COL9A1: variants seen among roughly 807,000 people sequenced by gnomAD.
COL9A1 encodes the protein collagen type IX alpha 1 chain, also known as collagen alpha-1(IX) chain.
COL9A1 carries 104 observed loss-of-function variants against 142.6 expected under a neutral mutation model. The observed-to-expected ratio is 0.73, with a 90% confidence interval of 0.62 to 0.86. The LOEUF (loss-of-function observed/expected upper bound fraction) is 0.86, where lower values mean the gene tolerates loss of function less well. Ranked by LOEUF, COL9A1 falls within the 40% of genes least tolerant of loss-of-function variation. The pLI is 0.00. For synonymous variants in COL9A1, 466 were observed against 396.0 expected (o/e 1.18, Z -2.10); for missense variants, 1,210 against 1,176.6 (o/e 1.03, Z -0.42).
intron 20 of COL9A1, among the ~76,000 whole-genome samples, 195 bp downstream of exon 20, chr6:70,260,462 C>T (rs182287728): frequency 3.4e-4 from 52 of 151,144 alleles, no homozygotes; most frequent in Middle Eastern, 6.8e-3. Context: ...ACAGGAGAAT[C>T]GCTTGAACCC....
At chr6:70,238,431 T>C (rs527926485) in intron 33 of COL9A1, among the ~76,000 whole-genome samples, 35 of 152,376 alleles carry the variant, frequency 2.3e-4, no homozygotes, top group African/African-American at 8.2e-4. Flanking sequence ...GTTTAGTTTC[T>C]ATAAAAATGA....
chr6:70,257,041 C>T (rs1468723186), intron 20 of COL9A1, among the ~76,000 whole-genome samples: 2 of 147,252 alleles, frequency 1.4e-5, no homozygotes, highest in African/African-American at 2.5e-5. Flanking sequence ...TTTGATGCCA[C>T]TCTGTAATTT....
intron 14 of COL9A1, 67 bp from the exon 15 acceptor site, chr6:70,270,434 G>A: frequency 6.9e-7 from 1 of 1,445,532 alleles, no homozygotes; most frequent in Non-Finnish European, 9.6e-7. Context: ...TAAAACCAGT[G>A]AGGCATAAGA....
At chr6:70,219,231 G>A (rs1190145075) in intron 37 of COL9A1, among the ~76,000 whole-genome samples, 5 of 152,108 alleles carry the variant, frequency 3.3e-5, no homozygotes, top group Non-Finnish European at 5.9e-5. Flanking sequence ...CATACCAGGT[G>A]TGCCTTAAAA....
intron 7 of COL9A1, among the ~76,000 whole-genome samples, chr6:70,281,788 T>A (rs1194218446): frequency 6.6e-6 from 1 of 152,072 alleles, no homozygotes; most frequent in Non-Finnish European, 1.5e-5. Flanking sequence ...CTTTGTATCC[T>A]CAAAAGGATA....
At chr6:70,295,733 A>T (rs1177301339) in intron 4 of COL9A1, among the ~76,000 whole-genome samples, 2 of 152,234 alleles carry the variant, frequency 1.3e-5, no homozygotes, top group African/African-American at 2.4e-5. Flanking sequence ...CTACCTGGAT[A>T]TTCTTTTGCT....
chr6:70,277,090 G>A (rs920655505), intron 10 of COL9A1, among the ~76,000 whole-genome samples: 5 of 152,060 alleles, frequency 3.3e-5, no homozygotes, highest in African/African-American at 1.2e-4. Context: ...AAAATACATA[G>A]CACCTAACCT....
At chr6:70,219,661 G>C (rs1768746379) in intron 37 of COL9A1, among the ~76,000 whole-genome samples, 7 of 152,246 alleles carry the variant, frequency 4.6e-5, no homozygotes. Flanking sequence ...CCTGTGGTGA[G>C]CTGGAAAGTG....
At chr6:70,225,816 A>G (rs569795420) in intron 37 of COL9A1, 116 bp downstream of exon 37, 2 of 809,492 alleles carry the variant, frequency 2.5e-6, no homozygotes, top group Middle Eastern at 2.2e-4. Context: ...GCCATTCTGA[A>G]TAATTAATAT....
chr6:70,284,226 T>G (rs1237626833), intron 5 of COL9A1, among the ~76,000 whole-genome samples: 2 of 152,048 alleles, frequency 1.3e-5, no homozygotes, highest in African/African-American at 4.8e-5. Flanking sequence ...CCAGGGCTAT[T>G]GAACTCTACA....
At chr6:70,272,843 C>T (rs1436607841) in intron 12 of COL9A1, among the ~76,000 whole-genome samples, 1 of 152,084 alleles carries the variant, frequency 6.6e-6, no homozygotes, top group Non-Finnish European at 1.5e-5. Flanking sequence ...ATAATATGCT[C>T]GTTGAAATTA....
At chr6:70,258,652 T>G (rs552888731) in intron 20 of COL9A1, 1 of 148,744 alleles carries the variant, frequency 6.7e-6, no homozygotes, top group Non-Finnish European at 1.5e-5. Context: ...GTGGCTTTGA[T>G]GCACTCTCTC....
intron 5 of COL9A1, among the ~76,000 whole-genome samples, chr6:70,288,488 T>C (rs962297590): frequency 6.6e-6 from 1 of 152,206 alleles, no homozygotes; most frequent in African/African-American, 2.4e-5. Flanking sequence ...AACATGTTGC[T>C]TATCTGTTCA....
At chr6:70,249,899 A>G (rs1428874429) in intron 28 of COL9A1, among the ~76,000 whole-genome samples, 1 of 152,110 alleles carries the variant, frequency 6.6e-6, no homozygotes, top group African/African-American at 2.4e-5. Context: ...GTATTCATGC[A>G]TGGTTCTGTC....
In COL9A1 at chr6:70,288,171, T is replaced by G. The variant is rs569113826; in HGVS notation, c.697-4351A>C. 2.0e-5 allele frequency among the ~76,000 whole-genome samples: 3 copies of G among 152,340 alleles called. No individual in the cohort carries two copies. The East Asian group carries it at 5.8e-4, about 29-fold the overall frequency. On this transcript the variant is annotated intron_variant, in intron 5 of 37. Transcript: ENST00000357250. ...CTGACACCTGCTCTTCCCACAGCGT[T>G]TCTCATGTCAGTAAATGGCACGTCT...
chr6:70,280,127 G>A, intron 10 of COL9A1: 1 of 554,506 alleles, frequency 1.8e-6, no homozygotes. Flanking sequence ...TACCATATAA[G>A]TCAGCATTTG....
chr6:70,273,844 T>G, intron 12 of COL9A1: 4 of 248,182 alleles, frequency 1.6e-5, no homozygotes. Flanking sequence ...ATTTTTCCAC[T>G]CATAGTAGAA....
intron 4 of COL9A1, among the ~76,000 whole-genome samples, chr6:70,296,522 T>C (rs1233947138): frequency 6.6e-6 from 1 of 152,266 alleles, no homozygotes; most frequent in East Asian, 1.9e-4. Context: ...ATACTTCCTG[T>C]TTATCAATCA....
chr6:70,220,747 A>G (rs1291461097), intron 37 of COL9A1, among the ~76,000 whole-genome samples: 1 of 152,192 alleles, frequency 6.6e-6, no homozygotes, highest in Non-Finnish European at 1.5e-5. Context: ...ATGGGCATAA[A>G]TGGTTAGCCC....
Sources: allele counts gnomAD v4.1 joint callset (sites outside exome capture counted in the v4.1 genomes callset), GRCh38; gene constraint gnomAD v4.1.1; transcripts MANE v1.5; gene names NCBI Gene and HGNC (gene_info 2026-07-23, HGNC 2026-07-21).